Variants in NCOA2 observed in about 807,000 individuals in gnomAD.
NCOA2 encodes class E basic helix-loop-helix protein 75.
NCOA2 carries 21 observed loss-of-function variants against 145.1 expected under a neutral mutation model. The ratio of observed to expected loss-of-function variants is 0.14; its 90% CI spans 0.10 to 0.21. The LOEUF (loss-of-function observed/expected upper bound fraction) is 0.21. NCOA2 is among the 10% of genes least tolerant of loss of function. The pLI is 1.00. For synonymous variants in NCOA2, 619 were observed against 637.5 expected (o/e 0.97, Z 0.44); for missense variants, 1,472 against 1,837.6 (o/e 0.80, Z 3.64).
chr8:70,231,112 T>C (rs1821092268), intron 2 of NCOA2, among the ~76,000 whole-genome samples: 1 of 152,234 alleles, frequency 6.6e-6, no homozygotes, highest in Non-Finnish European at 1.5e-5. Flanking sequence ...TCTGACCATA[T>C]TTAATCCTAT....
chr8:70,451,998 A>G, the NCOA2 span, among the ~76,000 whole-genome samples: 1 of 151,964 alleles, frequency 6.6e-6, no homozygotes, highest in Non-Finnish European at 1.5e-5. Context: ...TTTTTGAGAC[A>G]GGATCTCACT....
chr8:70,166,504 G>T, intron 7 of NCOA2, 62 bp downstream of exon 7: 1 of 1,556,366 alleles, frequency 6.4e-7, no homozygotes, highest in Non-Finnish European at 8.8e-7. Flanking sequence ...ATTAAAGTGT[G>T]AAGGAAGTAG....
intron 1 of NCOA2, among the ~76,000 whole-genome samples, chr8:70,373,081 T>C (rs1355628678): frequency 2.0e-5 from 3 of 152,154 alleles, no homozygotes; most frequent in African/African-American, 7.2e-5. Flanking sequence ...AACATTCATG[T>C]AAAAAGTCTT....
intron 1 of NCOA2, among the ~76,000 whole-genome samples, chr8:70,301,053 G>A (rs545156349): frequency 4.6e-5 from 7 of 152,292 alleles, no homozygotes; most frequent in Admixed American, 2.0e-4. Context: ...TGACTCTGGA[G>A]TTCATACATG....
At chr8:70,356,287 T>A (rs1809677434) in intron 1 of NCOA2, among the ~76,000 whole-genome samples, 1 of 152,062 alleles carries the variant, frequency 6.6e-6, no homozygotes, top group Non-Finnish European at 1.5e-5. Flanking sequence ...TAAGACCCAA[T>A]GTCTGTAAAT....
intron 1 of NCOA2, among the ~76,000 whole-genome samples, chr8:70,346,909 G>A (rs963906838): frequency 1.3e-5 from 2 of 152,146 alleles, no homozygotes; most frequent in South Asian, 4.1e-4. Context: ...CTAATGGACA[G>A]GTTAATCATG....
intron 2 of NCOA2, among the ~76,000 whole-genome samples, chr8:70,279,659 GC>G (rs1238908450): frequency 6.6e-6 from 1 of 152,136 alleles, no homozygotes; most frequent in Non-Finnish European, 1.5e-5. Context: ...CTTAATTTCA[GC>G]CCCCTGGCAA....
chr8:70,291,676 T>C (rs1261489260), intron 2 of NCOA2, among the ~76,000 whole-genome samples: 1 of 152,218 alleles, frequency 6.6e-6, no homozygotes, highest in Non-Finnish European at 1.5e-5. Context: ...AAGAGGTGCG[T>C]GTCTTCCTAA....
At chr8:70,445,398 A>G in the NCOA2 span, among the ~76,000 whole-genome samples, 12 of 152,190 alleles carry the variant, frequency 7.9e-5, 1 homozygote, top group South Asian at 6.2e-4. Flanking sequence ...TGTATAATCA[A>G]TTTGCTCCCC....
chr8:70,173,777 C>A (rs1172864704), intron 5 of NCOA2, among the ~76,000 whole-genome samples: 1 of 151,964 alleles, frequency 6.6e-6, no homozygotes, highest in Non-Finnish European at 1.5e-5. Context: ...CCCCCCTCCG[C>A]CCTGCCCCCA....
At chr8:70,242,554 C>T (rs1822233842) in intron 2 of NCOA2, among the ~76,000 whole-genome samples, 1 of 152,088 alleles carries the variant, frequency 6.6e-6, no homozygotes, top group African/African-American at 2.4e-5. Context: ...TGATTCTAAA[C>T]CTTTTTCTGC....
chr8:70,124,495 G>A (rs1003303036), intron 20 of NCOA2, among the ~76,000 whole-genome samples, 193 bp downstream of exon 20: 2 of 152,008 alleles, frequency 1.3e-5, no homozygotes, highest in Admixed American at 1.3e-4. Context: ...GGAGGAACAA[G>A]AACATCCCTA....
chr8:70,258,148 C>T (rs112401994), intron 2 of NCOA2, among the ~76,000 whole-genome samples: 71 of 152,246 alleles, frequency 4.7e-4, no homozygotes, highest in African/African-American at 1.6e-3. Context: ...AACTCATGAG[C>T]TCAAGTGATC....
At chr8:70,178,454 T>C (rs916907747) in intron 4 of NCOA2, among the ~76,000 whole-genome samples, 1 of 152,204 alleles carries the variant, frequency 6.6e-6, no homozygotes, top group African/African-American at 2.4e-5. Context: ...AAGAAAGCAG[T>C]AGCTAACACC....
chr8:70,294,817 T>G (rs896120980), intron 2 of NCOA2, among the ~76,000 whole-genome samples: 5 of 152,208 alleles, frequency 3.3e-5, no homozygotes, highest in Admixed American at 3.3e-4. Flanking sequence ...TATCTGTTAT[T>G]TTGAAGACAA....
intron 2 of NCOA2, among the ~76,000 whole-genome samples, chr8:70,229,111 T>C (rs939669921): frequency 6.6e-6 from 1 of 152,252 alleles, no homozygotes; most frequent in Non-Finnish European, 1.5e-5. Flanking sequence ...TCTCTTTTGG[T>C]ATTAAAATAC....
intron 1 of NCOA2, among the ~76,000 whole-genome samples, chr8:70,334,589 T>A (rs1213623982): frequency 6.6e-6 from 1 of 152,158 alleles, no homozygotes; most frequent in East Asian, 1.9e-4. Flanking sequence ...TCTTGCCTAT[T>A]AGAGCATGAA....
At chr8:70,449,356 C>A in the NCOA2 span, among the ~76,000 whole-genome samples, 1 of 152,116 alleles carries the variant, frequency 6.6e-6, no homozygotes, top group African/African-American at 2.4e-5. Context: ...GTTACAGTCC[C>A]AAGAGTAAAC....
chr8:70,121,399 CAAG>C lies in NCOA2; in HGVS notation c.4294-11_4294-9del. On this transcript the variant is annotated splice_polypyrimidine_tract_variant and intron_variant, in intron 21 of 22. Coordinates refer to ENST00000452400, the MANE Select transcript of NCOA2 (RefSeq NM_006540.4). ...CAGAGCAGGATCATTAACCTAAGGACAAGAAGACAGGACAGTGGCTACGCAGAG... is the reference window on the plus strand; with the variant it reads ...CAGAGCAGGATCATTAACCTAAGGACAAGACAGGACAGTGGCTACGCAGAG... 6.2e-7 allele frequency: 1 copy of C among 1,607,278 alleles called. No homozygotes were observed. Among genetic ancestry groups the C allele is most frequent in the African/African-American group, 1.3e-5 (1 of 74,964 alleles).
Sources: allele counts gnomAD v4.1 joint callset (sites outside exome capture counted in the v4.1 genomes callset), GRCh38; gene constraint gnomAD v4.1.1; transcripts MANE v1.5; gene names NCBI Gene and HGNC (gene_info 2026-07-23, HGNC 2026-07-21).